SP110: variants seen among roughly 807,000 people sequenced by gnomAD.
SP110 encodes the protein SP110 nuclear body protein, also known as interferon-induced protein 41, 30kD.
Under a neutral mutation model 92.7 loss-of-function variants are expected in SP110, and 62 were observed. The observed-to-expected ratio is 0.67, with a 90% CI of 0.55 to 0.83. SP110 has a LOEUF of 0.83. SP110 is among the 40% of genes least tolerant of loss of function. The probability of loss-of-function intolerance (pLI) is 0.00; values close to 1 mark genes in which losing one functional copy is unlikely to be tolerated. For missense variants in SP110, 793 were observed against 863.9 expected (o/e 0.92, Z 1.03); for synonymous variants, 273 against 305.3 (o/e 0.89, Z 1.10).
At chr2:230,202,383 G>A (rs1012775091) in intron 9 of SP110, among the ~76,000 whole-genome samples, 196 bp downstream of exon 9, 3 of 152,152 alleles carry the variant, frequency 2.0e-5, no homozygotes, top group African/African-American at 4.8e-5. Flanking sequence ...CTGTGAACAC[G>A]TCTGTTTCTT....
intron 10 of SP110, among the ~76,000 whole-genome samples, chr2:230,198,044 T>C (rs979025036): frequency 3.3e-5 from 5 of 152,128 alleles, no homozygotes; most frequent in African/African-American, 1.2e-4. Context: ...TGAAACCAAA[T>C]TTTGGTGGTT....
At chr2:230,212,471 G>C in intron 4 of SP110, 41 bp from the exon 5 acceptor site, 1 of 1,439,364 alleles carries the variant, frequency 6.9e-7, no homozygotes, top group Non-Finnish European at 9.8e-7. Flanking sequence ...GCAGGGACTG[G>C]ATGTCAGGGA....
At chr2:230,175,744 T>C (rs2041827027) in intron 14 of SP110, among the ~76,000 whole-genome samples, 1 of 152,124 alleles carries the variant, frequency 6.6e-6, no homozygotes, top group Non-Finnish European at 1.5e-5. Context: ...AGCCAATAGA[T>C]GACTGCCATT....
In SP110 at chr2:230,170,656, G is replaced by C. The variant is rs201864810; in HGVS notation, c.1993C>G (p.Arg665Gly). 2 of 1,613,926 alleles carry C rather than the reference G, an allele frequency of 1.2e-6. No homozygotes were observed. Among genetic ancestry groups the C allele is most frequent in the Non-Finnish European group, 1.7e-6 (2 of 1,179,986 alleles). The change falls in exon 18 of 19, where the codon CGC becomes GGC. Residue 665 changes from arginine to glycine, a missense_variant. Arg to Gly is a moderately radical substitution (Grantham distance 125, BLOSUM62 -2). Transcript: ENST00000258381. Reference sequence around the variant, plus strand: ...GTTTTATGGTTGCGAAACATCAGGCGCATGTCTCGCACAAACCATGCCACC... The same window carrying C: ...GTTTTATGGTTGCGAAACATCAGGCCCATGTCTCGCACAAACCATGCCACC... ...YTVAWFVRDM[R>G]LMFRNHKTFY...
intron 5 of SP110, 33 bp downstream of exon 5, chr2:230,212,314 G>A (rs1467338848): frequency 1.3e-6 from 2 of 1,510,400 alleles, no homozygotes; most frequent in Non-Finnish European, 1.8e-6. Context: ...CAGTCACCTT[G>A]AGCTAAGCGG....
Position 230,168,999 on chromosome 2 carries a change from G to C in SP110, c.*125C>G. The C allele has an allele frequency of 1.3e-6, 1 of 746,042 alleles. No homozygotes were observed. Among genetic ancestry groups the C allele is most frequent in the Non-Finnish European group, 2.5e-6 (1 of 404,024 alleles). The allele number at this position is 746,042 out of a possible 1,614,324, so 46.2% of individuals were successfully genotyped here. ...ATGGAGGGTGTGATAATCCTATGAA[G>C]TGTCTGGGTTTGGGTCCTGAGGGCA... On this transcript the variant is annotated 3_prime_UTR_variant, in exon 19 of 19. Transcript: ENST00000258381.
chr2:230,198,576 C>T lies in SP110; in HGVS notation c.1129+2309G>A, dbSNP rs139375582. 6.1e-3 allele frequency among the ~76,000 whole-genome samples: 931 copies of T among 151,966 alleles called. 28 individuals are homozygous for T. Among genetic ancestry groups the T allele is most frequent in the Admixed American group, 0.047 (720 of 15,280 alleles). ...AGTCAGGTGTGGCCGTGCAACCAGT[C>T]CTGGCAATAAAATGATAGAATTTTT... On this transcript the variant is annotated intron_variant, in intron 10 of 18. Transcript: ENST00000258381.
At chr2:230,190,937 C>T (rs1171379761) in intron 10 of SP110, among the ~76,000 whole-genome samples, 6 of 152,110 alleles carry the variant, frequency 3.9e-5, no homozygotes, top group Non-Finnish European at 8.8e-5. Context: ...GTACCAGTAC[C>T]GTGCTGTTTT....
chr2:230,181,491 C>A (rs558672282), intron 12 of SP110, among the ~76,000 whole-genome samples: 2 of 152,200 alleles, frequency 1.3e-5, no homozygotes, highest in Non-Finnish European at 2.9e-5. Flanking sequence ...CAGGGAGACC[C>A]ACCCCTACCT....
At chr2:230,193,255 A>G (rs996289267) in intron 10 of SP110, among the ~76,000 whole-genome samples, 1 of 152,050 alleles carries the variant, frequency 6.6e-6, no homozygotes, top group Admixed American at 6.6e-5. Context: ...TTGTGTGTTA[A>G]GTGAGTCTCT....
In SP110 at chr2:230,211,908, T is replaced by C. The variant is rs942709590; in HGVS notation, c.668-355A>G. 1.3e-5 allele frequency among the ~76,000 whole-genome samples: 2 copies of C among 152,210 alleles called. No individual in the cohort carries two copies. The highest frequency in any genetic ancestry group is 4.8e-5 in the African/African-American group (2 of 41,454). ...AATATCATACCATTCTTACGTTTAA[T>C]GTAATCAAACTCCATTATGATGATG... On this transcript the variant is annotated intron_variant, in intron 5 of 18. Transcript: ENST00000258381. The surrounding 1 kb of genome is among the most constrained non-coding windows in gnomAD (Gnocchi z 4.2).
intron 6 of SP110, among the ~76,000 whole-genome samples, chr2:230,210,897 C>A (rs767617576): frequency 6.6e-6 from 1 of 152,150 alleles, no homozygotes; most frequent in African/African-American, 2.4e-5. Flanking sequence ...ATAGAAATGA[C>A]CAGGGTTGAA....
At chr2:230,176,288 C>A (rs749500066) in intron 14 of SP110, among the ~76,000 whole-genome samples, 3 of 151,996 alleles carry the variant, frequency 2.0e-5, no homozygotes, top group Admixed American at 6.5e-5. Flanking sequence ...TGGGCTCAAG[C>A]AATCCTCCTA....
In SP110 at chr2:230,170,614, T is replaced by C. The variant is rs376107502; in HGVS notation, c.2028+7A>G. ...GACGCAAAAAGGAAGCAGGAAATGC[T>C]CTTTACCTTGTAAAATGTTTTATGG... On this transcript the variant is annotated splice_region_variant and intron_variant, in intron 18 of 18. Coordinates refer to ENST00000258381, the MANE Select transcript of SP110 (RefSeq NM_080424.4). 3 of 1,614,068 alleles carry C rather than the reference T, an allele frequency of 1.9e-6. No homozygotes were observed. The highest frequency in any genetic ancestry group is 2.7e-5 in the African/African-American group (2 of 74,912).
chr2:230,170,493 C>T, intron 18 of SP110, 128 bp downstream of exon 18: 1 of 1,156,578 alleles, frequency 8.6e-7, no homozygotes, highest in Middle Eastern at 2.0e-4. Flanking sequence ...GGTTTTTTTT[C>T]TGTAATCCTT....
At chr2:230,214,905 A>G (rs759211674) in intron 3 of SP110, 45 bp downstream of exon 3, 15 of 1,548,768 alleles carry the variant, frequency 9.7e-6, no homozygotes, top group South Asian at 4.5e-5. Flanking sequence ...GACTTTTACC[A>G]TAGCAACTTT....
At chr2:230,206,638 T>TATATATATATATAA (rs2043888665) in intron 8 of SP110, among the ~76,000 whole-genome samples, 1 of 123,026 alleles carries the variant, frequency 8.1e-6, no homozygotes, top group Non-Finnish European at 1.7e-5. Flanking sequence ...TATATATATA[T>TATATATATATATAA]GGACCACACT....
chr2:230,213,989 G>C (rs1033060919), intron 3 of SP110: 1 of 152,238 alleles, frequency 6.6e-6, no homozygotes, highest in Non-Finnish European at 1.5e-5. Flanking sequence ...AAGTGTCAGA[G>C]AGCAAAGGAG....
intron 12 of SP110, 95 bp from the exon 13 acceptor site, chr2:230,178,350 A>G (rs2041961095): frequency 1.3e-6 from 1 of 751,210 alleles, no homozygotes; most frequent in South Asian, 1.5e-5. Flanking sequence ...TGTACAGGGT[A>G]TTGGGGAACG....
Sources: gnomAD v4.1 joint callset for allele counts (sites outside exome capture counted in the v4.1 genomes callset) on GRCh38, gnomAD v4.1.1 for gene constraint, Gnocchi (gnomAD v3.1) non-coding constraint, MANE v1.5 for transcripts, NCBI Gene and HGNC (gene_info 2026-07-23, HGNC 2026-07-21) for gene names.